Variants in COL4A1 observed in about 807,000 individuals in gnomAD.
COL4A1 encodes the protein collagen alpha-1(IV) chain.
COL4A1 carries 40 observed loss-of-function variants against 216.6 expected under a neutral mutation model. That is an observed-to-expected ratio of 0.18 (90% CI 0.14 to 0.24). The LOEUF is 0.24. Among genes scored for constraint, COL4A1 ranks in the 10% least tolerant of loss-of-function variants. COL4A1 has a pLI of 1.00. For synonymous variants in COL4A1, 839 were observed against 810.7 expected, an observed-to-expected ratio of 1.03 and a Z score of -0.59; for missense variants, 1,628 against 2,196.8, an observed-to-expected ratio of 0.74 and a Z score of 5.18.
chr13:110,289,954 A>C (rs1884018348), intron 1 of COL4A1, among the ~76,000 whole-genome samples: 3 of 152,158 alleles, frequency 2.0e-5, no homozygotes, highest in South Asian at 4.2e-4. Context: ...GTGGGTTTTA[A>C]GGCCCCTGGG....
Position 110,161,257 on chromosome 13 carries a change from G to C in COL4A1, c.4575C>G (p.Thr1525=). The change falls in exon 49 of 52, where the codon ACC becomes ACG. Residue 1525 remains threonine, a synonymous_variant. Transcript: ENST00000375820. ...CCATTGACATGGGCATGGGCTCAGG[G>C]GTGGACAGCCAGTACGAGTAGTCAT... ...SRNDYSYWLS[T]PEPMPMSMAP... 6.2e-7 allele frequency: 1 copy of C among 1,614,180 alleles called. No homozygotes were observed. Among genetic ancestry groups the C allele is most frequent in the Non-Finnish European group, 8.5e-7 (1 of 1,180,044 alleles).
At chr13:110,254,770 C>G (rs1882437609) in intron 1 of COL4A1, among the ~76,000 whole-genome samples, 1 of 152,146 alleles carries the variant, frequency 6.6e-6, no homozygotes, top group African/African-American at 2.4e-5. Flanking sequence ...CTGCCATTCT[C>G]TGTGTGTCCC....
chr13:110,266,526 A>G (rs620908), intron 1 of COL4A1, among the ~76,000 whole-genome samples: 93,037 of 152,060 alleles, frequency 0.61, 29,625 homozygotes, highest in East Asian at 0.95. Context: ...ACAGCAGCCC[A>G]AAGAAAGGCA....
intron 41 of COL4A1, among the ~76,000 whole-genome samples, chr13:110,171,326 G>T (rs1370012944): frequency 6.6e-6 from 1 of 152,280 alleles, no homozygotes; most frequent in East Asian, 1.9e-4. Flanking sequence ...GGGCAGGAGG[G>T]GGGGATTATG....
At chr13:110,179,143 T>C in intron 30 of COL4A1, 107 bp from the exon 31 acceptor site, 2 of 1,542,024 alleles carry the variant, frequency 1.3e-6, no homozygotes, top group South Asian at 2.2e-5. Flanking sequence ...CCACGAGCTC[T>C]AGGCCTCTAA....
intron 1 of COL4A1, among the ~76,000 whole-genome samples, chr13:110,278,692 G>T (rs1372995126): frequency 6.6e-6 from 1 of 152,078 alleles, no homozygotes; most frequent in East Asian, 1.9e-4. Context: ...TTTCATAACT[G>T]ATTTCTTCAT....
chr13:110,225,906 T>C (rs616466), intron 2 of COL4A1, among the ~76,000 whole-genome samples: 55,893 of 151,794 alleles, frequency 0.37, 10,450 homozygotes, highest in Non-Finnish European at 0.39. Flanking sequence ...ACCTGCCTGT[T>C]TTACCTGGCA....
rs1214238964 is a variant in COL4A1 at position 110,245,815 on chromosome 13, C to T, written c.85-3081G>A. 2.6e-5 allele frequency among the ~76,000 whole-genome samples: 4 copies of T among 152,118 alleles called. No homozygotes were observed. The East Asian group carries it at 7.7e-4, about 29-fold the overall frequency. On this transcript the variant is annotated intron_variant, in intron 1 of 51. Transcript: ENST00000375820. ...GTACAGAAACACCCCCAGCCGGTGC[C>T]GGTGACAGGCGGGTGGGTAGTTTTA...
At chr13:110,237,637 C>A (rs374273818) in intron 2 of COL4A1, among the ~76,000 whole-genome samples, 1 of 152,208 alleles carries the variant, frequency 6.6e-6, no homozygotes, top group African/African-American at 2.4e-5. Flanking sequence ...AAAACATACT[C>A]GGCCCCAGGC....
chr13:110,220,488 C>T (rs926990509), intron 2 of COL4A1, among the ~76,000 whole-genome samples: 2 of 152,178 alleles, frequency 1.3e-5, no homozygotes, highest in Non-Finnish European at 2.9e-5. Context: ...AGTTGCCTAT[C>T]GCACAATGCT....
rs142883141 is a variant in COL4A1, at chr13:110,183,245, A to G, written c.1929T>C (p.Pro643=). 1.3e-5 allele frequency: 21 copies of G among 1,613,632 alleles called. No individual in the cohort carries two copies. In the African/African-American group the frequency reaches 2.5e-4, roughly 19 times the overall value. ...CTTCTGCTCCAGGGGGGCCTGGTAA[A>G]GGAACAATTTTTCCTGGTTCACCCT... The part of the protein sequence containing the change: ...GPKGEPGKIV[P]LPGPPGAEGL... The change falls in exon 27 of 52, where the codon CCT becomes CCC. Residue 643 remains proline (P), a synonymous_variant. Coordinates refer to ENST00000375820, the MANE Select transcript of COL4A1 (RefSeq NM_001845.6).
rs1879463638 is a variant in COL4A1, at chr13:110,205,506, T to G, written c.891A>C (p.Glu297Asp). Residue 297 changes from glutamate (E) to aspartate (D), a missense_variant, in exon 16 of 52, where the codon GAA (glutamate) becomes GAC (aspartate). Coordinates refer to ENST00000375820, the MANE Select transcript of COL4A1 (RefSeq NM_001845.6). ...GAGAAACACTTACGGGACTCCCTTT[T>G]TCCCCTTTGTCACCATCTTTTCCGG... ...GKPGKDGDKG[E>D]KGSPGFPGEP... is the part of the protein sequence containing the mutation. The G allele has an allele frequency of 1.9e-6, 3 of 1,607,922 alleles. No homozygotes were observed. Among genetic ancestry groups the G allele is most frequent in the African/African-American group, 1.4e-5 (1 of 69,190 alleles).
At chr13:110,272,044 A>G (rs1328684153) in intron 1 of COL4A1, among the ~76,000 whole-genome samples, 2 of 152,250 alleles carry the variant, frequency 1.3e-5, no homozygotes, top group Non-Finnish European at 2.9e-5. Flanking sequence ...AATATTTGTC[A>G]ATACTCAATA....
intron 1 of COL4A1, 114 bp downstream of exon 1, chr13:110,306,830 G>T: frequency 1.0e-6 from 1 of 982,074 alleles, no homozygotes; most frequent in Non-Finnish European, 1.4e-6. Flanking sequence ...ACCTGGCCGT[G>T]CCACGCGCGA....
chr13:110,200,358 GC>G (rs1169305029), intron 20 of COL4A1, among the ~76,000 whole-genome samples: 1 of 152,242 alleles, frequency 6.6e-6, no homozygotes, highest in African/African-American at 2.4e-5. Flanking sequence ...ACCCTGAGGA[GC>G]CCCGGGGTCC....
At chr13:110,217,208 G>A (rs1880129940) in intron 2 of COL4A1, among the ~76,000 whole-genome samples, 1 of 152,208 alleles carries the variant, frequency 6.6e-6, no homozygotes, top group South Asian at 2.1e-4. Flanking sequence ...CAGTTAGCTG[G>A]CGACCAGCAT....
At chr13:110,229,956 G>A (rs1566395279) in intron 2 of COL4A1, among the ~76,000 whole-genome samples, 4 of 152,224 alleles carry the variant, frequency 2.6e-5, no homozygotes, top group East Asian at 1.9e-4. Context: ...CTCACTCCAC[G>A]GTAACTGCCC....
intron 37 of COL4A1, 132 bp from the exon 38 acceptor site, chr13:110,174,881 A>C: frequency 3.1e-6 from 3 of 962,570 alleles, no homozygotes; most frequent in Non-Finnish European, 5.0e-6. Flanking sequence ...CAGATTTCTC[A>C]TCAAAGAATC....
rs748558670 is a variant in COL4A1, at chr13:110,152,411, G to A, written c.4851C>T (p.His1617=). The A allele has an allele frequency of 1.3e-5, 21 of 1,614,096 alleles. No homozygotes were observed. The highest frequency in any genetic ancestry group is 2.2e-5 in the South Asian group (2 of 91,086). ...CGTAGTAATTGCAGGTCCCACGGCC[G>A]TGACACTCGATGAATGGCGCACTTC... The part of the protein sequence containing the change: ...EFRSAPFIEC[H]GRGTCNYYAN... Residue 1617 remains histidine, a synonymous_variant, in exon 51 of 52, where the codon CAC becomes CAT. Coordinates refer to ENST00000375820, the MANE Select transcript of COL4A1 (RefSeq NM_001845.6).
Sources: gnomAD v4.1 joint callset for allele counts (sites outside exome capture counted in the v4.1 genomes callset) on GRCh38, gnomAD v4.1.1 for gene constraint, MANE v1.5 for transcripts, NCBI Gene and HGNC (gene_info 2026-07-23, HGNC 2026-07-21) for gene names.